Variants in HSPA12A observed in about 807,000 individuals in gnomAD.
HSPA12A encodes the protein heat shock 70 kDa protein 12A.
Under a neutral mutation model 69.2 loss-of-function variants are expected in HSPA12A, and 28 were observed. That is an observed-to-expected ratio of 0.40 (90% CI 0.30 to 0.55). The LOEUF is 0.55. Among genes scored for constraint, HSPA12A ranks in the 20% least tolerant of loss-of-function variants. The pLI, the probability that HSPA12A is intolerant of heterozygous loss-of-function variation, is 0.38. For missense variants in HSPA12A, 686 were observed against 900.7 expected, an observed-to-expected ratio of 0.76 and a Z score of 3.05; for synonymous variants, 345 against 370.5, an observed-to-expected ratio of 0.93 and a Z score of 0.79.
At chr10:116,846,741 C>T (rs1845894871) in intron 1 of HSPA12A, among the ~76,000 whole-genome samples, 1 of 152,150 alleles carries the variant, frequency 6.6e-6, no homozygotes, top group African/African-American at 2.4e-5. Context: ...AATAAAAGGT[C>T]CTGGTGATCC....
At chr10:116,706,879 G>A (rs1432236363) in intron 2 of HSPA12A, among the ~76,000 whole-genome samples, 1 of 152,156 alleles carries the variant, frequency 6.6e-6, no homozygotes, top group Non-Finnish European at 1.5e-5. Context: ...ACACCTCACA[G>A]GCTCTGACCC....
intron 2 of HSPA12A, among the ~76,000 whole-genome samples, chr10:116,774,245 G>A (rs559767095): frequency 1.2e-4 from 19 of 152,194 alleles, no homozygotes; most frequent in African/African-American, 4.3e-4. Flanking sequence ...TCCTGACCTC[G>A]TGATCCGCCC....
chr10:116,766,315 G>C (rs1161577392), intron 2 of HSPA12A, among the ~76,000 whole-genome samples: 1 of 152,070 alleles, frequency 6.6e-6, no homozygotes, highest in Non-Finnish European at 1.5e-5. Context: ...CTTGCAACCC[G>C]AGAACTCCCT....
At chr10:116,838,905 T>G (rs763903521) in intron 1 of HSPA12A, among the ~76,000 whole-genome samples, 4 of 152,234 alleles carry the variant, frequency 2.6e-5, no homozygotes, top group Non-Finnish European at 5.9e-5. Flanking sequence ...TTTGTCAACT[T>G]ATTTATGTAG....
chr10:116,808,821 G>A (rs998727311), intron 2 of HSPA12A, among the ~76,000 whole-genome samples: 24 of 152,106 alleles, frequency 1.6e-4, no homozygotes, highest in African/African-American at 5.8e-4. Context: ...CCTGTACAGG[G>A]TGTATTTACA....
intron 2 of HSPA12A, among the ~76,000 whole-genome samples, chr10:116,765,744 G>A (rs1189569685): frequency 1.3e-5 from 2 of 152,296 alleles, no homozygotes; most frequent in Non-Finnish European, 2.9e-5. Flanking sequence ...TGCTGTTCTC[G>A]AGGGTGGTGA....
At chr10:116,825,776 G>C (rs1467370455) in intron 2 of HSPA12A, among the ~76,000 whole-genome samples, 3 of 152,108 alleles carry the variant, frequency 2.0e-5, no homozygotes, top group African/African-American at 4.8e-5. Context: ...TTCTAAAATT[G>C]ATCATGGTGA....
intron 2 of HSPA12A, among the ~76,000 whole-genome samples, chr10:116,818,448 T>C (rs1240770029): frequency 1.3e-5 from 2 of 150,988 alleles, no homozygotes; most frequent in African/African-American, 2.4e-5. Flanking sequence ...AGTTGCATCA[T>C]AGGTTGTCTC....
intron 2 of HSPA12A, among the ~76,000 whole-genome samples, chr10:116,753,368 G>C (rs1397011119): frequency 6.6e-6 from 1 of 152,218 alleles, no homozygotes; most frequent in African/African-American, 2.4e-5. Flanking sequence ...ACTAGCTGCA[G>C]TTATCACTAT....
At chr10:116,785,129 T>C (rs1860261) in intron 2 of HSPA12A, among the ~76,000 whole-genome samples, 114,383 of 151,974 alleles carry the variant, frequency 0.75, 43,469 homozygotes, top group South Asian at 0.85. Context: ...AAACCCTCAT[T>C]GTGCCCTGCT....
chr10:116,691,514 G>GTA (rs1849738711), intron 6 of HSPA12A, among the ~76,000 whole-genome samples: 3 of 151,412 alleles, frequency 2.0e-5, no homozygotes, highest in Admixed American at 1.3e-4. Context: ...ACACAACCCA[G>GTA]CCTCAGCTGA....
At chr10:116,794,093 T>G (rs778510441) in intron 2 of HSPA12A, among the ~76,000 whole-genome samples, 31 of 151,850 alleles carry the variant, frequency 2.0e-4, no homozygotes, top group Non-Finnish European at 2.4e-4. Flanking sequence ...GTCCCAGCTA[T>G]ACTCGGGTGG....
Position 116,675,309 on chromosome 10 carries a change from G to A in HSPA12A, c.1500C>T (p.Asp500=). 1 of 1,613,326 alleles carries A rather than the reference G, an allele frequency of 6.2e-7. No homozygotes were observed. Among genetic ancestry groups the A allele is most frequent in the Non-Finnish European group, 8.5e-7 (1 of 1,180,022 alleles). ...LQQAVQAAFG[D]QCRIIIPQDV... Reference sequence around the variant, plus strand: ...CCTGGGGGATGATGATCCGGCACTGGTCCCCAAAAGCAGCCTGCACCGCCT... The same window carrying A: ...CCTGGGGGATGATGATCCGGCACTGATCCCCAAAAGCAGCCTGCACCGCCT... Residue 500 remains aspartate, a synonymous_variant, in exon 12 of 12, where the codon GAC becomes GAT. Transcript: ENST00000369209. The surrounding 1 kb of genome is among the most constrained non-coding windows in gnomAD (Gnocchi z 5.2).
At chr10:116,677,951 T>C (rs1428472346) in intron 10 of HSPA12A, among the ~76,000 whole-genome samples, 1 of 151,950 alleles carries the variant, frequency 6.6e-6, no homozygotes, top group Non-Finnish European at 1.5e-5. Flanking sequence ...GAAAAATTCA[T>C]TAGCTACTTT....
At chr10:116,696,002 C>CAAAGAAAAAAAAAAAAAAAA (rs1849887458) in intron 5 of HSPA12A, among the ~76,000 whole-genome samples, 1 of 32,714 alleles carries the variant, frequency 3.1e-5, no homozygotes, top group African/African-American at 1.5e-4. Context: ...GACTCCATCT[C>CAAAGAAAAAAAAAAAAAAAA]AAAAAAAAAA....
chr10:116,784,384 A>G (rs1424985083), intron 2 of HSPA12A, among the ~76,000 whole-genome samples: 1 of 152,256 alleles, frequency 6.6e-6, no homozygotes, highest in Non-Finnish European at 1.5e-5. Context: ...TCTGTTCTGC[A>G]GAGCATTTTT....
chr10:116,690,994 G>A (rs985779585), intron 6 of HSPA12A, among the ~76,000 whole-genome samples: 18 of 152,166 alleles, frequency 1.2e-4, no homozygotes, highest in African/African-American at 2.4e-4. Flanking sequence ...GGGCCCTGCC[G>A]GAAGGCTGAC....
At position 116,686,688 on chromosome 10, in the gene HSPA12A, G is replaced by A. The variant is rs1849583879; in HGVS notation, c.664-2726C>T. On this transcript the variant is annotated intron_variant, in intron 6 of 11. Coordinates refer to ENST00000369209, the MANE Select transcript of HSPA12A (RefSeq NM_025015.3). This position sits in a 1 kb window ranked among gnomAD's most constrained non-coding sequence, Gnocchi z 4.1. ...GCCACGGCAGCAGGGACAGGGATGG[G>A]AAGGGAGAAAGGGTGGCATAAGCTC... Among the ~76,000 whole-genome samples, 1 of 152,128 alleles carries A rather than the reference G, an allele frequency of 6.6e-6. No individual in the cohort carries two copies. The highest frequency in any genetic ancestry group is 2.4e-5 in the African/African-American group (1 of 41,414).
chr10:116,679,478 G>A (rs1235080331), intron 10 of HSPA12A, 25 bp downstream of exon 10: 4 of 1,609,112 alleles, frequency 2.5e-6, no homozygotes, highest in Non-Finnish European at 8.5e-7. Context: ...AATGTCCAGA[G>A]CCCGAGGTGA....
Sources: gnomAD v4.1 joint callset for allele counts (sites outside exome capture counted in the v4.1 genomes callset) on GRCh38, gnomAD v4.1.1 for gene constraint, Gnocchi (gnomAD v3.1) non-coding constraint, MANE v1.5 for transcripts, NCBI Gene and HGNC (gene_info 2026-07-23, HGNC 2026-07-21) for gene names.